The following FEZ2 variants were observed in gnomAD, a reference collection of about 807,000 sequenced individuals.
FEZ2 encodes fasciculation and elongation protein zeta-2.
FEZ2 carries 51 observed loss-of-function variants against 40.4 expected under a neutral mutation model. That is an observed-to-expected ratio of 1.26 (90% confidence interval 1.01 to 1.59). The LOEUF (loss-of-function observed/expected upper bound fraction) is 1.59. FEZ2 is among the 40% of genes most tolerant of loss of function. FEZ2 has a pLI of 0.00. For missense variants in FEZ2, 640 were observed against 438.3 expected (o/e 1.46, Z -4.11); for synonymous variants, 242 against 172.0 (o/e 1.41, Z -3.18).
intron 6 of FEZ2, chr2:36,556,661 G>A (rs1177144276): frequency 6.6e-6 from 1 of 152,198 alleles, no homozygotes; most frequent in Non-Finnish European, 1.5e-5. Flanking sequence ...TCTGTGAAAT[G>A]AGAATAATAA....
In FEZ2 at chr2:36,552,463, T is replaced by TTTAA; in HGVS notation, c.*699_*700insTTAA. ...TCAAGCACCTCAGAGGACACACACT[T>TTTAA]AAAGTACAATTCTTCACAGACACAT... On this transcript the variant is annotated 3_prime_UTR_variant, in exon 8 of 8. Coordinates refer to ENST00000405912, the MANE Select transcript of FEZ2 (RefSeq NM_005102.3). 2.8e-5 allele frequency: 8 copies of TTTAA among 287,420 alleles called. No homozygotes were observed. The highest frequency in any genetic ancestry group is 6.4e-5 in the South Asian group (2 of 31,168). 17.8% of individuals were successfully genotyped at this position (287,420 alleles called of 1,614,324 possible).
chr2:36,567,182 T>C (rs1668269169), intron 5 of FEZ2, among the ~76,000 whole-genome samples: 1 of 151,618 alleles, frequency 6.6e-6, no homozygotes, highest in African/African-American at 2.4e-5. Context: ...GCTGTGACAC[T>C]CCTAACACCA....
intron 1 of FEZ2, among the ~76,000 whole-genome samples, chr2:36,593,844 GT>G (rs148103426): frequency 0.09 from 13,272 of 146,812 alleles, 1,272 homozygotes; most frequent in East Asian, 0.22. Context: ...CAGAAAATGG[GT>G]TTTTTTTTTT....
At position 36,574,060 on chromosome 2, in the gene FEZ2, A is replaced by C. The variant is rs185498758; in HGVS notation, c.903+4537T>G. ...TTTAGGAAAATGGTAACTTTGGTTT[A>C]ATAGTATAAATTTCAGACTCCTACA... On this transcript the variant is annotated intron_variant, in intron 5 of 7. Coordinates refer to ENST00000405912, the MANE Select transcript of FEZ2 (RefSeq NM_005102.3). Among the ~76,000 whole-genome samples the C allele has an allele frequency of 2.3e-3, 349 of 152,366 alleles. 1 individual carries two copies. The Middle Eastern group carries it at 0.027, about 12-fold the overall frequency.
Position 36,578,739 on chromosome 2 carries a change from T to C in FEZ2, c.761A>G (p.Glu254Gly). 6.2e-7 allele frequency: 1 copy of C among 1,614,036 alleles called. No individual in the cohort carries two copies. The highest frequency in any genetic ancestry group is 8.5e-7 in the Non-Finnish European group (1 of 1,179,894). Residue 254 changes from glutamate to glycine, a missense_variant, in exon 5 of 8, where the codon GAA (glutamate) becomes GGA (glycine). Coordinates refer to ENST00000405912, the MANE Select transcript of FEZ2 (RefSeq NM_005102.3). The part of the protein sequence containing the change: ...ALRDELEFEK[E>G]VKNSFISVLI... Reference sequence around the variant, plus strand: ...AACAGAAATAAAGCTGTTTTTCACTTCCTTTTCAAACTCCAGTTCATCTCG... The same window carrying C: ...AACAGAAATAAAGCTGTTTTTCACTCCCTTTTCAAACTCCAGTTCATCTCG...
chr2:36,583,566 T>G (rs1172646700), intron 2 of FEZ2, 97 bp from the exon 3 acceptor site: 5 of 687,608 alleles, frequency 7.3e-6, no homozygotes, highest in Non-Finnish European at 1.1e-5. Context: ...AAGCAACTAC[T>G]AAGAGCCTTC....
At chr2:36,569,854 A>C (rs995975224) in intron 5 of FEZ2, among the ~76,000 whole-genome samples, 2 of 152,218 alleles carry the variant, frequency 1.3e-5, no homozygotes, top group Non-Finnish European at 2.9e-5. Flanking sequence ...AAAAGGTTTG[A>C]AAAAGCACTC....
intron 5 of FEZ2, among the ~76,000 whole-genome samples, chr2:36,573,550 A>C (rs1054463756): frequency 6.6e-6 from 1 of 152,248 alleles, no homozygotes; most frequent in African/African-American, 2.4e-5. Flanking sequence ...CTGAAGTTTC[A>C]ATTCAACAAA....
intron 5 of FEZ2, 22 bp from the exon 6 acceptor site, chr2:36,558,535 A>T: frequency 7.2e-7 from 1 of 1,386,948 alleles, no homozygotes; most frequent in Non-Finnish European, 9.7e-7. Context: ...AAAAAAAAAA[A>T]GTGTCACTTA....
At chr2:36,576,193 C>T (rs377275019) in intron 5 of FEZ2, among the ~76,000 whole-genome samples, 19 of 152,268 alleles carry the variant, frequency 1.2e-4, no homozygotes, top group African/African-American at 4.6e-4. Context: ...TTTTGAGCAA[C>T]CTACCACTAT....
intron 7 of FEZ2, 179 bp downstream of exon 7, chr2:36,555,504 T>G: frequency 2.4e-6 from 1 of 415,012 alleles, no homozygotes; most frequent in Non-Finnish European, 4.4e-6. Context: ...TTAAATTATA[T>G]AAAACCATGA....
chr2:36,580,350 C>A (rs538237416), intron 4 of FEZ2, among the ~76,000 whole-genome samples: 3 of 152,164 alleles, frequency 2.0e-5, no homozygotes, highest in Non-Finnish European at 4.4e-5. Flanking sequence ...CTTTAGGTAA[C>A]TAAGCTTTGG....
Position 36,578,817 on chromosome 2 carries a change from A to G in FEZ2, c.683T>C (p.Ile228Thr), listed in dbSNP as rs779912285. The G allele has an allele frequency of 1.2e-6, 2 of 1,613,318 alleles. No individual in the cohort carries two copies. Among genetic ancestry groups the G allele is most frequent in the South Asian group, 2.2e-5 (2 of 90,778 alleles). Residue 228 changes from isoleucine (I) to threonine (T), a missense_variant, in exon 5 of 8, where the codon ATT becomes ACT. Ile to Thr is a moderately conservative substitution (Grantham distance 89, BLOSUM62 -1). Coordinates refer to ENST00000405912, the MANE Select transcript of FEZ2 (RefSeq NM_005102.3). ...AGAGTACTCCTTAATGGCAGTCTCA[A>G]TTTCTTCCAGGATTTCATTTAACTC... The part of the protein sequence containing the change: ...VSELNEILEE[I>T]ETAIKEYSEE...
At chr2:36,565,036 T>TCC (rs1397966433) in intron 5 of FEZ2, among the ~76,000 whole-genome samples, 2 of 152,138 alleles carry the variant, frequency 1.3e-5, no homozygotes, top group African/African-American at 4.8e-5. Flanking sequence ...TTTACATACC[T>TCC]CCCTTTGGGG....
At chr2:36,578,451 T>A in intron 5 of FEZ2, 146 bp downstream of exon 5, 1 of 868,052 alleles carries the variant, frequency 1.2e-6, no homozygotes, top group Non-Finnish European at 1.8e-6. Context: ...AGCGGTATTC[T>A]GGAATAAAAT....
At chr2:36,597,503 C>T (rs1669260943) in intron 1 of FEZ2, among the ~76,000 whole-genome samples, 1 of 152,250 alleles carries the variant, frequency 6.6e-6, no homozygotes. Context: ...TGGCACTCAG[C>T]AGGTGCTTAA....
Position 36,580,399 on chromosome 2 carries a change from G to A in FEZ2, c.634+891C>T, listed in dbSNP as rs1241682558. Among the ~76,000 whole-genome samples the A allele has an allele frequency of 3.3e-5, 5 of 152,178 alleles. No individual in the cohort carries two copies. In the East Asian group the frequency reaches 5.8e-4, roughly 18 times the overall value. ...TAAAGATAAAACTAGGTGACAACAC[G>A]AGTTGAGCAGATACAGACCCCATCA... On this transcript the variant is annotated intron_variant, in intron 4 of 7. Coordinates refer to ENST00000405912, the MANE Select transcript of FEZ2 (RefSeq NM_005102.3).
Position 36,553,046 on chromosome 2 carries a change from C to T in FEZ2, c.*117G>A, listed in dbSNP as rs1027561165. 4 of 815,620 alleles carry T rather than the reference C, an allele frequency of 4.9e-6. No homozygotes were observed. The highest frequency in any genetic ancestry group is 8.1e-6 in the Non-Finnish European group (4 of 494,270). 50.5% of individuals were successfully genotyped at this position (815,620 alleles called of 1,614,324 possible). ...TAGTCAAGATCTGTTAATACTGAAT[C>T]AAACCCAAGTTCAAATGTGCTGAGT... is the stretch of plus-strand genomic sequence containing the variant. On this transcript the variant is annotated 3_prime_UTR_variant, in exon 8 of 8. Coordinates refer to ENST00000405912, the MANE Select transcript of FEZ2 (RefSeq NM_005102.3).
At chr2:36,568,185 G>A (rs1668301310) in intron 5 of FEZ2, among the ~76,000 whole-genome samples, 1 of 152,042 alleles carries the variant, frequency 6.6e-6, no homozygotes, top group Non-Finnish European at 1.5e-5. Context: ...AAGGGGTAGG[G>A]GAGGAGGGAG....
Sources: allele counts gnomAD v4.1 joint callset (sites outside exome capture counted in the v4.1 genomes callset), GRCh38; gene constraint gnomAD v4.1.1; transcripts MANE v1.5; gene names NCBI Gene and HGNC (gene_info 2026-07-23, HGNC 2026-07-21).